The following FRZB variants were observed in gnomAD, a reference collection of about 807,000 sequenced individuals.
FRZB encodes secreted frizzled-related protein 3.
FRZB carries 34 observed loss-of-function variants against 32.5 expected under a neutral mutation model. The ratio of observed to expected loss-of-function variants is 1.05; its 90% CI spans 0.80 to 1.39. FRZB has a LOEUF of 1.39. Among genes scored for constraint, FRZB ranks in the 40% most tolerant of loss-of-function variants. The pLI, the probability that FRZB is intolerant of heterozygous loss-of-function variation, is 0.00. For missense variants in FRZB, 423 were observed against 424.8 expected, an observed-to-expected ratio of 1.00 and a Z score of 0.04; for synonymous variants, 170 against 159.2, an observed-to-expected ratio of 1.07 and a Z score of -0.51.
chr2:182,849,296 T>C (rs1695684998), intron 2 of FRZB, among the ~76,000 whole-genome samples: 1 of 151,958 alleles, frequency 6.6e-6, no homozygotes, highest in Admixed American at 6.6e-5. Context: ...TATCTTGATC[T>C]GGATGATGGT....
intron 2 of FRZB, among the ~76,000 whole-genome samples, chr2:182,856,224 G>A (rs1004203258): frequency 6.6e-6 from 1 of 151,884 alleles, no homozygotes; most frequent in African/African-American, 2.4e-5. Flanking sequence ...TGGAAAAGAA[G>A]GAAGAATAAT....
chr2:182,854,232 T>C (rs73040085), intron 2 of FRZB, among the ~76,000 whole-genome samples: 8,467 of 152,222 alleles, frequency 0.056, 779 homozygotes, highest in African/African-American at 0.19. Context: ...AAAATGCACA[T>C]TTATGATTTG....
intron 1 of FRZB, among the ~76,000 whole-genome samples, chr2:182,860,588 G>T (rs1695820115): frequency 1.3e-5 from 2 of 152,094 alleles, no homozygotes; most frequent in Admixed American, 6.6e-5. Context: ...GCTTCCCACA[G>T]CCAGGTATGG....
At chr2:182,851,510 G>A (rs772740753) in intron 2 of FRZB, among the ~76,000 whole-genome samples, 1 of 152,020 alleles carries the variant, frequency 6.6e-6, no homozygotes, top group Non-Finnish European at 1.5e-5. Context: ...ACAAAAATTA[G>A]CCAGGCGTGG....
intron 2 of FRZB, among the ~76,000 whole-genome samples, chr2:182,855,710 T>TA (rs947716649): frequency 1.3e-5 from 2 of 152,278 alleles, no homozygotes; most frequent in Middle Eastern, 3.4e-3. Context: ...GACTATTGTG[T>TA]AAAAAGCAAG....
intron 2 of FRZB, among the ~76,000 whole-genome samples, chr2:182,857,516 A>G (rs1695782958): frequency 6.6e-6 from 1 of 151,326 alleles, no homozygotes; most frequent in Admixed American, 6.6e-5. Flanking sequence ...GCTAGTTGGG[A>G]GGCTGAGGCA....
intron 2 of FRZB, among the ~76,000 whole-genome samples, chr2:182,843,231 T>C (rs1253586054): frequency 1.3e-5 from 2 of 152,216 alleles, no homozygotes; most frequent in Admixed American, 1.3e-4. Flanking sequence ...TTTATGTATA[T>C]ATTAGGTTGG....
intron 5 of FRZB, among the ~76,000 whole-genome samples, chr2:182,837,023 C>G (rs1389712491): frequency 6.6e-6 from 1 of 151,996 alleles, no homozygotes; most frequent in Non-Finnish European, 1.5e-5. Flanking sequence ...GTTTCCCAAG[C>G]CTTCAAACTT....
intron 2 of FRZB, among the ~76,000 whole-genome samples, chr2:182,854,949 C>T (rs184267463): frequency 6.6e-6 from 1 of 152,304 alleles, no homozygotes; most frequent in East Asian, 1.9e-4. Flanking sequence ...ACTGAAGTCA[C>T]CCCTGGGCAT....
intron 5 of FRZB, among the ~76,000 whole-genome samples, chr2:182,836,038 T>A (rs571729396): frequency 3.3e-5 from 5 of 152,198 alleles, no homozygotes; most frequent in South Asian, 2.1e-4. Flanking sequence ...TGTGTTATTG[T>A]TTTTCTGTTA....
chr2:182,852,347 G>C (rs1162765958), intron 2 of FRZB, among the ~76,000 whole-genome samples: 5 of 152,178 alleles, frequency 3.3e-5, no homozygotes, highest in Admixed American at 3.3e-4. Flanking sequence ...GAGCTTCTCT[G>C]GAGCACCTTT....
chr2:182,854,335 G>A (rs1695742804), intron 2 of FRZB, among the ~76,000 whole-genome samples: 1 of 152,148 alleles, frequency 6.6e-6, no homozygotes, highest in Non-Finnish European at 1.5e-5. Flanking sequence ...ACTGAAAGCA[G>A]ATCTGAAACC....
At chr2:182,862,061 T>C (rs908216311) in intron 1 of FRZB, among the ~76,000 whole-genome samples, 9 of 152,338 alleles carry the variant, frequency 5.9e-5, no homozygotes, top group African/African-American at 2.2e-4. Context: ...CATATCACAC[T>C]AAATAATTCT....
intron 2 of FRZB, among the ~76,000 whole-genome samples, chr2:182,856,766 A>T (rs897411545): frequency 6.6e-6 from 1 of 152,168 alleles, no homozygotes; most frequent in Non-Finnish European, 1.5e-5. Flanking sequence ...CCAATAAGAC[A>T]TAAAAAATAT....
At chr2:182,856,047 T>C (rs1196598258) in intron 2 of FRZB, among the ~76,000 whole-genome samples, 2 of 152,100 alleles carry the variant, frequency 1.3e-5, no homozygotes, top group East Asian at 3.9e-4. Context: ...AAAATATCCT[T>C]TAGGAATGAA....
At chr2:182,858,972 G>T in intron 1 of FRZB, 139 bp from the exon 2 acceptor site, 1 of 688,662 alleles carries the variant, frequency 1.5e-6, no homozygotes, top group Non-Finnish European at 2.5e-6. Flanking sequence ...TTAACGTCAT[G>T]AGGTCGGCAT....
intron 1 of FRZB, among the ~76,000 whole-genome samples, chr2:182,861,192 TAGGCAA>T (rs1260484201): frequency 1.3e-5 from 2 of 152,378 alleles, no homozygotes; most frequent in East Asian, 3.9e-4. Context: ...TGCAATCTGC[TAGGCAA>T]AGAATAACAG....
At chr2:182,860,035 T>C (rs1695813965) in intron 1 of FRZB, among the ~76,000 whole-genome samples, 1 of 152,194 alleles carries the variant, frequency 6.6e-6, no homozygotes, top group African/African-American at 2.4e-5. Context: ...AGGAAGAAAT[T>C]ATATTGGCCC....
Position 182,842,374 on chromosome 2 carries a change from T to G in FRZB, c.592+104A>C, listed in dbSNP as rs1320421019. 6.1e-6 allele frequency: 5 copies of G among 821,376 alleles called. No individual in the cohort carries two copies. In the Admixed American group the frequency reaches 1.0e-4, roughly 17 times the overall value. 50.9% of individuals were successfully genotyped at this position (821,376 alleles called of 1,614,324 possible). On this transcript the variant is annotated intron_variant, in intron 3 of 5. Coordinates refer to ENST00000295113, the MANE Select transcript of FRZB (RefSeq NM_001463.4). Reference sequence around the variant, plus strand: ...ATAGTCCTTCTGTTTTTAAGCCTTATTCTTAAATGGCTCCACTCGTTTACA... The same window carrying G: ...ATAGTCCTTCTGTTTTTAAGCCTTAGTCTTAAATGGCTCCACTCGTTTACA...
Sources: allele counts gnomAD v4.1 joint callset (sites outside exome capture counted in the v4.1 genomes callset), GRCh38; gene constraint gnomAD v4.1.1; transcripts MANE v1.5; gene names NCBI Gene and HGNC (gene_info 2026-07-23, HGNC 2026-07-21).